The following CTNND2 variants were observed in gnomAD, a reference collection of about 807,000 sequenced individuals.
CTNND2 encodes the protein catenin delta 2.
CTNND2 carries 22 observed loss-of-function variants against 144.4 expected under a neutral mutation model. That is an observed-to-expected ratio of 0.15 (90% CI 0.11 to 0.22). CTNND2 has a LOEUF of 0.22. CTNND2 is among the 10% of genes least tolerant of loss of function. The pLI is 1.00. For synonymous variants in CTNND2, 751 were observed against 695.6 expected, an observed-to-expected ratio of 1.08 and a Z score of -1.25; for missense variants, 1,353 against 1,618.8, an observed-to-expected ratio of 0.84 and a Z score of 2.82.
intron 11 of CTNND2, among the ~76,000 whole-genome samples, chr5:11,185,724 G>A (rs1252152196): frequency 1.3e-5 from 2 of 152,128 alleles, no homozygotes; most frequent in African/African-American, 2.4e-5. Flanking sequence ...TATTTCAAAC[G>A]TTTCATCAGG....
At chr5:11,838,528 G>A (rs1316125440) in intron 1 of CTNND2, among the ~76,000 whole-genome samples, 1 of 152,064 alleles carries the variant, frequency 6.6e-6, no homozygotes, top group Non-Finnish European at 1.5e-5. Context: ...GGACGTTGCT[G>A]GGGTTTGAGG....
At chr5:11,326,179 T>C in intron 9 of CTNND2, among the ~76,000 whole-genome samples, 1 of 152,204 alleles carries the variant, frequency 6.6e-6, no homozygotes, top group Non-Finnish European at 1.5e-5. Flanking sequence ...CAGGATGCTC[T>C]GCTTCTGGCC....
chr5:11,226,386 C>T (rs11746086), intron 10 of CTNND2, among the ~76,000 whole-genome samples: 2 of 152,222 alleles, frequency 1.3e-5, no homozygotes, highest in African/African-American at 2.4e-5. Context: ...CCATAGCCCA[C>T]ATCACCATCT....
chr5:11,172,695 TAAC>T (rs546225343), intron 11 of CTNND2, among the ~76,000 whole-genome samples: 23 of 152,246 alleles, frequency 1.5e-4, no homozygotes, highest in African/African-American at 5.5e-4. Flanking sequence ...GGGGAGGAAA[TAAC>T]AAAGGTTGAC....
chr5:11,242,755 A>G (rs1346767631), intron 9 of CTNND2, among the ~76,000 whole-genome samples: 1 of 152,216 alleles, frequency 6.6e-6, no homozygotes, highest in Non-Finnish European at 1.5e-5. Flanking sequence ...TACTAGAATG[A>G]GCACAGGATT....
intron 12 of CTNND2, among the ~76,000 whole-genome samples, chr5:11,157,472 G>A (rs550896248): frequency 1.3e-4 from 20 of 152,226 alleles, no homozygotes; most frequent in South Asian, 1.0e-3. Flanking sequence ...GGGGCTCACC[G>A]GCTGAGTGCC....
At chr5:10,984,358 TAGAA>T (rs1737671858) in intron 20 of CTNND2, among the ~76,000 whole-genome samples, 1 of 152,240 alleles carries the variant, frequency 6.6e-6, no homozygotes. Flanking sequence ...AATTTGCTGA[TAGAA>T]AATGTCACTT....
chr5:11,279,690 C>T (rs970131557), intron 9 of CTNND2, among the ~76,000 whole-genome samples: 5 of 152,132 alleles, frequency 3.3e-5, no homozygotes, highest in African/African-American at 4.8e-5. Context: ...TTAACTGGCT[C>T]GTGGTTCTGC....
chr5:11,232,706 G>C (rs1741170925), intron 10 of CTNND2, among the ~76,000 whole-genome samples: 9 of 152,240 alleles, frequency 5.9e-5, no homozygotes, highest in Admixed American at 5.9e-4. Context: ...TTGGGTTAAT[G>C]CTGAAATGAG....
At chr5:11,421,624 G>A (rs1762373515) in intron 3 of CTNND2, among the ~76,000 whole-genome samples, 1 of 152,066 alleles carries the variant, frequency 6.6e-6, no homozygotes, top group South Asian at 2.1e-4. Flanking sequence ...TGGGAACAGT[G>A]GACACTAAAA....
chr5:11,217,132 A>G lies in CTNND2; in HGVS notation c.1762-17471T>C, dbSNP rs61750748. ...ATTGTCCACAAACCACTGTTAAATGACTCTCTTTTCAGATAATTTCAATGA... is the reference window on the plus strand; with the variant it reads ...ATTGTCCACAAACCACTGTTAAATGGCTCTCTTTTCAGATAATTTCAATGA... On this transcript the variant is annotated intron_variant, in intron 10 of 21. Transcript: ENST00000304623. Among the ~76,000 whole-genome samples, 85 of 152,164 alleles carry G rather than the reference A, an allele frequency of 5.6e-4. 2 individuals carry two copies. The East Asian group carries it at 0.015, about 26-fold the overall frequency.
chr5:11,128,598 C>T (rs888255748), intron 12 of CTNND2, among the ~76,000 whole-genome samples: 2 of 147,562 alleles, frequency 1.4e-5, no homozygotes, highest in African/African-American at 5.0e-5. Context: ...GCACCGTCTC[C>T]GATGCCTCAT....
At position 11,384,425 on chromosome 5, in the gene CTNND2, A is replaced by G; in HGVS notation, c.1177+240T>C. On this transcript the variant is annotated intron_variant, in intron 7 of 21. Transcript: ENST00000304623. This position sits in a 1 kb window ranked among gnomAD's most constrained non-coding sequence, Gnocchi z 5.2. ...AGGGCAGAGAGAGAAGAGAGGAGAG[A>G]AGAGAGTGATATAGGTGTTAGAGAT... 1.8e-6 allele frequency: 1 copy of G among 547,200 alleles called. No homozygotes were observed. Among genetic ancestry groups the G allele is most frequent in the Admixed American group, 3.4e-5 (1 of 29,694 alleles). The allele number at this position is 547,200 out of a possible 1,614,324, so 33.9% of individuals were successfully genotyped here.
intron 11 of CTNND2, among the ~76,000 whole-genome samples, chr5:11,165,814 T>G (rs1445237425): frequency 1.3e-5 from 2 of 152,234 alleles, no homozygotes; most frequent in Non-Finnish European, 2.9e-5. Context: ...TGCTTCTTTA[T>G]AATGCTTTAA....
At chr5:11,592,274 TCCTTCCTTCCTTTCTG>T in intron 2 of CTNND2, among the ~76,000 whole-genome samples, 1 of 150,240 alleles carries the variant, frequency 6.7e-6, no homozygotes, top group African/African-American at 2.4e-5. Flanking sequence ...CTTCCTGTCT[TCCTTCCTTCCTTTCTG>T]CCTTCCTTCC....
At chr5:11,581,809 C>T (rs1178769336) in intron 2 of CTNND2, among the ~76,000 whole-genome samples, 3 of 152,138 alleles carry the variant, frequency 2.0e-5, no homozygotes, top group African/African-American at 4.8e-5. Flanking sequence ...ATATGCTCAG[C>T]GATGCAGCTT....
At chr5:11,332,188 T>C (rs1035778735) in intron 9 of CTNND2, among the ~76,000 whole-genome samples, 1 of 150,578 alleles carries the variant, frequency 6.6e-6, no homozygotes, top group African/African-American at 2.5e-5. Flanking sequence ...GGCAGGAGAA[T>C]CGCTTGAACC....
rs770934997 is a variant in CTNND2 at position 11,498,230 on chromosome 5, C to T, written c.287+66714G>A. On this transcript the variant is annotated intron_variant, in intron 3 of 21. Coordinates refer to ENST00000304623, the MANE Select transcript of CTNND2 (RefSeq NM_001332.4). ...TTTAACATTAAAACTAGCCATCACT[C>T]TCCCCCACCCCCTCAAACACACATA... 8.7e-4 allele frequency among the ~76,000 whole-genome samples: 132 copies of T among 152,220 alleles called. 1 individual carries two copies. The highest frequency in any genetic ancestry group is 6.8e-3 in the Middle Eastern group (2 of 294).
intron 1 of CTNND2, among the ~76,000 whole-genome samples, chr5:11,886,106 C>T (rs983058825): frequency 1.3e-5 from 2 of 151,848 alleles, no homozygotes; most frequent in African/African-American, 4.8e-5. Context: ...TAAAAATGCA[C>T]CTCAAGGAAC....
Sources: gnomAD v4.1 joint callset for allele counts (sites outside exome capture counted in the v4.1 genomes callset) on GRCh38, gnomAD v4.1.1 for gene constraint, Gnocchi (gnomAD v3.1) non-coding constraint, MANE v1.5 for transcripts, NCBI Gene and HGNC (gene_info 2026-07-23, HGNC 2026-07-21) for gene names.